ZNRF1: variants seen among roughly 807,000 people sequenced by gnomAD.
ZNRF1 encodes E3 ubiquitin-protein ligase ZNRF1.
Under a neutral mutation model 18.4 loss-of-function variants are expected in ZNRF1, and 3 were observed. The ratio of observed to expected loss-of-function variants is 0.16; its 90% CI spans 0.07 to 0.42. The LOEUF (loss-of-function observed/expected upper bound fraction) is 0.42. Among genes scored for constraint, ZNRF1 ranks in the 10% least tolerant of loss-of-function variants. ZNRF1 has a pLI of 0.99. For synonymous variants in ZNRF1, 157 were observed against 144.2 expected, an observed-to-expected ratio of 1.09 and a Z score of -0.64; for missense variants, 310 against 329.8, an observed-to-expected ratio of 0.94 and a Z score of 0.47.
intron 1 of ZNRF1, among the ~76,000 whole-genome samples, chr16:75,014,942 C>A (rs1476878430): frequency 1.3e-5 from 2 of 151,900 alleles, no homozygotes; most frequent in South Asian, 2.1e-4. Flanking sequence ...CATTGTGTTT[C>A]TTCTGTGAAA....
At chr16:75,014,123 G>A (rs78848616) in intron 1 of ZNRF1, among the ~76,000 whole-genome samples, 2 of 152,078 alleles carry the variant, frequency 1.3e-5, no homozygotes, top group South Asian at 2.1e-4. Context: ...GAGCTGCCGC[G>A]CCTAGCCTGG....
chr16:75,000,084 G>T lies in ZNRF1; in HGVS notation c.413G>T (p.Ser138Ile). The T allele has an allele frequency of 6.2e-7, 1 of 1,601,102 alleles. No homozygotes were observed. Among genetic ancestry groups the T allele is most frequent in the Non-Finnish European group, 8.5e-7 (1 of 1,175,064 alleles). The change falls in exon 1 of 5, where the codon AGC (serine) becomes ATC (isoleucine). Residue 138 changes from serine (S) to isoleucine (I), a missense_variant. Physicochemically the swap from Ser to Ile is moderately radical, Grantham distance 142. Coordinates refer to ENST00000335325, the MANE Select transcript of ZNRF1 (RefSeq NM_032268.5). ...CTGCACATCGCACCCAGGTGGTTCA[G>T]CTCGCATAGTGGTGAGTCCGCGGGT... The part of the protein sequence containing the change: ...LPLHIAPRWF[S>I]SHSGFKCPIC...
rs2034798936 is a variant in ZNRF1 at position 74,999,172 on chromosome 16, G to A, written c.-500G>A. On this transcript the variant is annotated 5_prime_UTR_variant, in exon 1 of 5. Coordinates refer to ENST00000335325, the MANE Select transcript of ZNRF1 (RefSeq NM_032268.5). ...GCTGCGCCTGGCCGCCCAGCGCCGC[G>A]GCCCGCCCGAGGCCTGGAGGGGTCC... The A allele has an allele frequency of 6.8e-6, 1 of 146,906 alleles. No individual in the cohort carries two copies. The highest frequency in any genetic ancestry group is 6.8e-5 in the Admixed American group (1 of 14,794). 9.1% of individuals were successfully genotyped at this position (146,906 alleles called of 1,614,324 possible).
In ZNRF1 at chr16:75,010,701, G is replaced by GTTTTTTTTTTTTTTTT. The variant is rs1334552920; in HGVS notation, c.424+10615_424+10616insTTTTTTTTTTTTTTTT. The stretch of plus-strand genomic sequence containing the variant: ...AAATTAGTCACCTCTGTACTGTACT[G>GTTTTTTTTTTTTTTTT]TTTTTTTTTGTTTTTTTGTTTTTTT... On this transcript the variant is annotated intron_variant, in intron 1 of 4. Transcript: ENST00000335325. 2.5e-4 allele frequency among the ~76,000 whole-genome samples: 16 copies of GTTTTTTTTTTTTTTTT among 63,808 alleles called. 1 individual carries two copies. Among genetic ancestry groups the GTTTTTTTTTTTTTTTT allele is most frequent in the African/African-American group, 4.5e-4 (10 of 22,324 alleles). The allele number at this position is 63,808 out of a possible 152,430, so 41.9% of individuals were successfully genotyped here.
intron 1 of ZNRF1, among the ~76,000 whole-genome samples, chr16:75,092,315 G>A (rs1002804477): frequency 1.3e-5 from 2 of 152,168 alleles, no homozygotes; most frequent in African/African-American, 4.8e-5. Context: ...AGAGGCGATA[G>A]AAAATCCACA....
intron 1 of ZNRF1, among the ~76,000 whole-genome samples, chr16:75,075,388 G>A (rs1217398553): frequency 6.6e-6 from 1 of 152,240 alleles, no homozygotes; most frequent in Non-Finnish European, 1.5e-5. Context: ...TGGGCAGGAA[G>A]CAGCATGACC....
intron 1 of ZNRF1, among the ~76,000 whole-genome samples, chr16:75,086,006 T>G (rs2036069741): frequency 1.3e-5 from 2 of 151,980 alleles, no homozygotes; most frequent in Admixed American, 6.6e-5. Flanking sequence ...AAGTCCTAGT[T>G]CAAGGGCAAG....
chr16:75,096,567 C>T (rs957459018), intron 2 of ZNRF1, among the ~76,000 whole-genome samples: 3 of 152,076 alleles, frequency 2.0e-5, no homozygotes, highest in East Asian at 1.9e-4. Flanking sequence ...GGGGGCGAGG[C>T]GGGGCTTTCT....
intron 1 of ZNRF1, among the ~76,000 whole-genome samples, chr16:75,023,871 A>C (rs148164997): frequency 0.049 from 7,304 of 147,624 alleles, 572 homozygotes; most frequent in African/African-American, 0.17. Flanking sequence ...TTTTTATTTT[A>C]TTTTCTTTTT....
intron 1 of ZNRF1, among the ~76,000 whole-genome samples, chr16:75,090,646 A>G (rs2036126436): frequency 6.6e-6 from 1 of 152,162 alleles, no homozygotes; most frequent in Admixed American, 6.5e-5. Flanking sequence ...ACATGCTCAG[A>G]TGCTAAGAAT....
intron 1 of ZNRF1, among the ~76,000 whole-genome samples, chr16:75,038,838 T>G (rs2035406511): frequency 6.6e-6 from 1 of 152,206 alleles, no homozygotes; most frequent in African/African-American, 2.4e-5. Context: ...TAAGAGAAAT[T>G]GAAAATAATT....
At chr16:75,055,794 TGTG>T (rs951881692) in intron 1 of ZNRF1, among the ~76,000 whole-genome samples, 1 of 152,166 alleles carries the variant, frequency 6.6e-6, no homozygotes, top group Non-Finnish European at 1.5e-5. Context: ...CACTCAGTCT[TGTG>T]GGGGTAGTTA....
At chr16:75,012,634 C>T (rs1015688428) in intron 1 of ZNRF1, among the ~76,000 whole-genome samples, 1 of 152,146 alleles carries the variant, frequency 6.6e-6, no homozygotes, top group African/African-American at 2.4e-5. Context: ...GAGCTTAGAA[C>T]AAGCCAGAAT....
At chr16:75,053,307 GGCTGGGTGCAGT>G (rs926608545) in intron 1 of ZNRF1, among the ~76,000 whole-genome samples, 1 of 152,188 alleles carries the variant, frequency 6.6e-6, no homozygotes, top group Non-Finnish European at 1.5e-5. Context: ...AATCGCCAAT[GGCTGGGTGCAGT>G]GGCTCATGCC....
chr16:75,014,030 C>T (rs1326335365), intron 1 of ZNRF1, among the ~76,000 whole-genome samples: 1 of 151,912 alleles, frequency 6.6e-6, no homozygotes, highest in East Asian at 1.9e-4. Flanking sequence ...CGTGTTTCAC[C>T]GTGTTGGCCA....
At chr16:75,009,813 T>C (rs2034970657) in intron 1 of ZNRF1, among the ~76,000 whole-genome samples, 1 of 152,162 alleles carries the variant, frequency 6.6e-6, no homozygotes, top group Non-Finnish European at 1.5e-5. Flanking sequence ...TTTCTGTTTT[T>C]TTTTTTAATA....
At chr16:75,001,018 C>T (rs1340340068) in intron 1 of ZNRF1, among the ~76,000 whole-genome samples, 2 of 152,146 alleles carry the variant, frequency 1.3e-5, no homozygotes, top group East Asian at 1.9e-4. Flanking sequence ...AAAGGCCTGG[C>T]AGGAGGAAAA....
intron 1 of ZNRF1, among the ~76,000 whole-genome samples, chr16:75,070,438 G>A (rs933765898): frequency 6.6e-6 from 1 of 152,162 alleles, no homozygotes; most frequent in Admixed American, 6.5e-5. Context: ...CTGGAATGAT[G>A]CACCTAAACC....
chr16:75,018,124 A>AG (rs1242208743), intron 1 of ZNRF1, among the ~76,000 whole-genome samples: 1 of 152,366 alleles, frequency 6.6e-6, no homozygotes, highest in African/African-American at 2.4e-5. Flanking sequence ...AACAGTGCCC[A>AG]GCAGGTAGTA....
Sources: allele counts gnomAD v4.1 joint callset (sites outside exome capture counted in the v4.1 genomes callset), GRCh38; gene constraint gnomAD v4.1.1; transcripts MANE v1.5; gene names NCBI Gene and HGNC (gene_info 2026-07-23, HGNC 2026-07-21).